SLC24A2: variants seen among roughly 807,000 people sequenced by gnomAD.
SLC24A2 encodes the protein sodium/potassium/calcium exchanger 2.
SLC24A2 carries 36 observed loss-of-function variants against 62.0 expected under a neutral mutation model. The observed-to-expected ratio is 0.58, with a 90% CI of 0.44 to 0.77. The LOEUF (loss-of-function observed/expected upper bound fraction) is 0.77. SLC24A2 is among the 30% of genes least tolerant of loss of function. The probability of loss-of-function intolerance (pLI) is 0.00; values close to 1 mark genes in which losing one functional copy is unlikely to be tolerated. For synonymous variants in SLC24A2, 358 were observed against 294.0 expected (o/e 1.22, Z -2.23); for missense variants, 846 against 817.9 (o/e 1.03, Z -0.42).
the SLC24A2 span, among the ~76,000 whole-genome samples, chr9:19,850,590 C>T: frequency 4.6e-5 from 7 of 151,974 alleles, no homozygotes; most frequent in Non-Finnish European, 7.4e-5. Flanking sequence ...TCCATTATCC[C>T]CCAAAATTTT....
chr9:19,717,974 C>T (rs1413252880), intron 2 of SLC24A2, among the ~76,000 whole-genome samples: 4 of 135,282 alleles, frequency 3.0e-5, no homozygotes, highest in African/African-American at 5.5e-5. Context: ...TGATTTAAAA[C>T]TTTTTTTTTT....
chr9:19,601,755 C>G (rs1274237072), intron 4 of SLC24A2, among the ~76,000 whole-genome samples: 1 of 152,060 alleles, frequency 6.6e-6, no homozygotes, highest in Non-Finnish European at 1.5e-5. Flanking sequence ...ACAACTGGGT[C>G]TGCCACTTGC....
Position 19,676,904 on chromosome 9 carries a change from G to A in SLC24A2, c.931-54605C>T, listed in dbSNP as rs1276897004. On this transcript the variant is annotated intron_variant, in intron 2 of 10. Coordinates refer to ENST00000341998, the MANE Select transcript of SLC24A2 (RefSeq NM_020344.4). ...GATACCATCTCACACCAGTCAGAATGGCTATTAATAAAAAGTTAAAAAATA... is the reference window on the plus strand; with the variant it reads ...GATACCATCTCACACCAGTCAGAATAGCTATTAATAAAAAGTTAAAAAATA... Among the ~76,000 whole-genome samples, 6 of 152,156 alleles carry A rather than the reference G, an allele frequency of 3.9e-5. 1 individual carries two copies. Among genetic ancestry groups the A allele is most frequent in the African/African-American group, 1.4e-4 (6 of 41,436 alleles).
intron 2 of SLC24A2, among the ~76,000 whole-genome samples, chr9:19,674,418 C>T (rs2118342379): frequency 6.6e-6 from 1 of 152,276 alleles, no homozygotes; most frequent in South Asian, 2.1e-4. Context: ...AAATCTCTAG[C>T]AAGGCCGGGG....
intron 2 of SLC24A2, among the ~76,000 whole-genome samples, chr9:19,667,554 G>T (rs2118289151): frequency 6.6e-6 from 1 of 152,124 alleles, no homozygotes; most frequent in East Asian, 1.9e-4. Context: ...CCCCTTAGAG[G>T]TCTTCTAGCC....
intron 5 of SLC24A2, among the ~76,000 whole-genome samples, chr9:19,583,566 T>C: frequency 6.6e-6 from 1 of 152,114 alleles, no homozygotes; most frequent in Non-Finnish European, 1.5e-5. Context: ...TCATGGTTTC[T>C]AGGCAAGTAG....
the SLC24A2 span, among the ~76,000 whole-genome samples, chr9:20,095,849 T>C: frequency 2.7e-4 from 41 of 152,160 alleles, no homozygotes; most frequent in African/African-American, 8.9e-4. Flanking sequence ...AAGTCTTATA[T>C]GGCAGCAGAC....
chr9:19,895,970 A>G, the SLC24A2 span: 1 of 1,605,696 alleles, frequency 6.2e-7, no homozygotes, highest in Non-Finnish European at 8.5e-7. Context: ...TGGAGCATGT[A>G]ACTCTGCTCA....
the SLC24A2 span, among the ~76,000 whole-genome samples, chr9:20,247,967 T>C: frequency 1.3e-5 from 2 of 152,226 alleles, no homozygotes; most frequent in Non-Finnish European, 1.5e-5. Context: ...TTAGAGCATA[T>C]GGAATGCCCT....
the SLC24A2 span, among the ~76,000 whole-genome samples, chr9:20,234,026 AT>A: frequency 6.6e-6 from 1 of 152,052 alleles, no homozygotes; most frequent in South Asian, 2.1e-4. Flanking sequence ...GTTGAAAATT[AT>A]TTTCTTTAAA....
chr9:19,667,965 G>C (rs998575225), intron 2 of SLC24A2, among the ~76,000 whole-genome samples: 3 of 152,108 alleles, frequency 2.0e-5, no homozygotes, highest in Non-Finnish European at 4.4e-5. Context: ...CAGCCCTTTT[G>C]TATCTTGACC....
At chr9:19,919,153 C>A in the SLC24A2 span, among the ~76,000 whole-genome samples, 1 of 152,120 alleles carries the variant, frequency 6.6e-6, no homozygotes, top group African/African-American at 2.4e-5. Flanking sequence ...GAAATGACTT[C>A]CGAGGAGAGT....
chr9:19,688,843 AT>A (rs760517127), intron 2 of SLC24A2, among the ~76,000 whole-genome samples: 5 of 152,132 alleles, frequency 3.3e-5, no homozygotes, highest in Non-Finnish European at 7.4e-5. Flanking sequence ...CAGAATTTAA[AT>A]TCTTTTAGTC....
At chr9:19,961,798 G>A in the SLC24A2 span, among the ~76,000 whole-genome samples, 2 of 152,186 alleles carry the variant, frequency 1.3e-5, no homozygotes, top group African/African-American at 4.8e-5. Context: ...GCCATGTTGT[G>A]AGCAGCGCCA....
At chr9:20,100,095 G>T in the SLC24A2 span, among the ~76,000 whole-genome samples, 1 of 151,636 alleles carries the variant, frequency 6.6e-6, no homozygotes, top group African/African-American at 2.4e-5. Context: ...TGACAGCCTC[G>T]TCCTCCTGGG....
the SLC24A2 span, among the ~76,000 whole-genome samples, chr9:20,189,568 T>G: frequency 2.6e-5 from 4 of 152,214 alleles, no homozygotes; most frequent in African/African-American, 9.6e-5. Flanking sequence ...CCACCTGACA[T>G]TATGATTCTT....
chr9:19,954,515 G>A, the SLC24A2 span, among the ~76,000 whole-genome samples: 110 of 152,010 alleles, frequency 7.2e-4, 1 homozygote, highest in Non-Finnish European at 1.3e-3. Flanking sequence ...CCCCAGGAAA[G>A]ATTGGAAATC....
At chr9:19,525,900 G>A (rs561849371) in intron 9 of SLC24A2, among the ~76,000 whole-genome samples, 1 of 151,096 alleles carries the variant, frequency 6.6e-6, no homozygotes, top group East Asian at 2.0e-4. Context: ...ATAATTCAAT[G>A]GTTTTTAATG....
At chr9:20,085,760 G>C in the SLC24A2 span, among the ~76,000 whole-genome samples, 1 of 152,138 alleles carries the variant, frequency 6.6e-6, no homozygotes, top group East Asian at 1.9e-4. Context: ...GCCCATAATA[G>C]TTTCCAAAAT....
Sources: allele counts gnomAD v4.1 joint callset (sites outside exome capture counted in the v4.1 genomes callset), GRCh38; gene constraint gnomAD v4.1.1; transcripts MANE v1.5; gene names NCBI Gene and HGNC (gene_info 2026-07-23, HGNC 2026-07-21).